The following ASCC3 variants were observed in gnomAD, a reference collection of about 807,000 sequenced individuals.
The protein encoded by ASCC3 is activating signal cointegrator 1 complex subunit 3, also known as ASC-1 complex subunit P200.
Under a neutral mutation model 256.3 loss-of-function variants are expected in ASCC3, and 158 were observed. The ratio of observed to expected loss-of-function variants is 0.62; its 90% confidence interval spans 0.54 to 0.70. ASCC3 has a LOEUF of 0.70. ASCC3 is among the 30% of genes least tolerant of loss of function. The pLI, the probability that ASCC3 is intolerant of heterozygous loss-of-function variation, is 0.00. For synonymous variants in ASCC3, 948 were observed against 883.4 expected (o/e 1.07, Z -1.30); for missense variants, 2,259 against 2,626.0 (o/e 0.86, Z 3.05).
Position 100,647,161 on chromosome 6 carries a change from T to A in ASCC3, c.3478+65A>T, listed in dbSNP as rs1304391014. ...TGTGGAAATTCACAATACCTTCTTT[T>A]ACACCCAGCAACATATTTTATTTGC... is the stretch of plus-strand genomic sequence containing the variant. On this transcript the variant is annotated intron_variant, in intron 21 of 41. Coordinates refer to ENST00000369162, the MANE Select transcript of ASCC3 (RefSeq NM_006828.4). 2.2e-6 allele frequency: 3 copies of A among 1,376,462 alleles called. No individual in the cohort carries two copies. In the East Asian group the frequency reaches 6.9e-5, roughly 32 times the overall value. The allele number at this position is 1,376,462 out of a possible 1,614,324, so 85.3% of individuals were successfully genotyped here.
chr6:100,605,005 T>C (rs560241064), intron 33 of ASCC3, among the ~76,000 whole-genome samples: 1 of 152,256 alleles, frequency 6.6e-6, no homozygotes, highest in South Asian at 2.1e-4. Flanking sequence ...TAGTGGTTAC[T>C]GGGTCCCAAA....
At chr6:100,588,846 T>A (rs1771841335) in intron 36 of ASCC3, among the ~76,000 whole-genome samples, 1 of 152,120 alleles carries the variant, frequency 6.6e-6, no homozygotes, top group African/African-American at 2.4e-5. Flanking sequence ...ATAGAGTCAA[T>A]GAATTTATAA....
At chr6:100,745,815 G>C (rs888758752) in intron 10 of ASCC3, among the ~76,000 whole-genome samples, 1 of 152,088 alleles carries the variant, frequency 6.6e-6, no homozygotes, top group Non-Finnish European at 1.5e-5. Context: ...CTATTTCCTA[G>C]TTTAATAAAT....
chr6:100,727,411 T>TC (rs1467902318), intron 10 of ASCC3, among the ~76,000 whole-genome samples: 1 of 152,024 alleles, frequency 6.6e-6, no homozygotes, highest in East Asian at 1.9e-4. Context: ...TCATAAAATC[T>TC]CTCGTGTAAT....
rs781143008 is a variant in ASCC3 at position 100,848,620 on chromosome 6, T to G, written c.329A>C (p.Lys110Thr). The G allele has an allele frequency of 6.2e-7, 1 of 1,614,148 alleles. No individual in the cohort carries two copies. Among genetic ancestry groups the G allele is most frequent in the Non-Finnish European group, 8.5e-7 (1 of 1,180,030 alleles). Residue 110 changes from lysine to threonine, a missense_variant, in exon 4 of 42, where the codon AAG becomes ACG. This residue lies in a region of ASCC3 where 420 missense variants were observed against 419.3 expected (regional missense o/e 1.00). Coordinates refer to ENST00000369162, the MANE Select transcript of ASCC3 (RefSeq NM_006828.4). ...TFHLKDSVGH[K>T]ETKAIKQMFG... ...CATCTGTTTGATAGCCTTTGTTTCC[T>G]TGTGACCAACAGAGTCCTTCAAGTG...
In ASCC3 at chr6:100,850,014, C is replaced by T. The variant is rs953660215; in HGVS notation, c.242-1307G>A. Among the ~76,000 whole-genome samples the T allele has an allele frequency of 5.5e-5, 8 of 145,198 alleles. No homozygotes were observed. In the South Asian group the frequency reaches 1.1e-3, roughly 20 times the overall value. On this transcript the variant is annotated intron_variant, in intron 3 of 41. Coordinates refer to ENST00000369162, the MANE Select transcript of ASCC3 (RefSeq NM_006828.4). ...ACTCGAGAGGCTGAGGCAGGAGGAC[C>T]GCTTGAACCTAGGAGGCGGAGGTTG...
chr6:100,749,485 G>C (rs1349154260), intron 10 of ASCC3, among the ~76,000 whole-genome samples: 2 of 151,554 alleles, frequency 1.3e-5, no homozygotes, highest in Non-Finnish European at 2.9e-5. Flanking sequence ...AAAATTGTGG[G>C]GTATGGAAAT....
chr6:100,704,592 TTAATC>T (rs1363883312), intron 13 of ASCC3, among the ~76,000 whole-genome samples: 22 of 152,022 alleles, frequency 1.4e-4, no homozygotes, highest in African/African-American at 5.3e-4. Flanking sequence ...TAGTAATAAA[TTAATC>T]TATAATTATT....
chr6:100,592,194 A>G (rs147475349), intron 34 of ASCC3, among the ~76,000 whole-genome samples: 24 of 151,698 alleles, frequency 1.6e-4, no homozygotes, highest in Non-Finnish European at 2.2e-4. Flanking sequence ...AATAAATTAT[A>G]TGATGACACC....
At chr6:100,875,734 C>A (rs543471868) in intron 1 of ASCC3, among the ~76,000 whole-genome samples, 81 of 152,206 alleles carry the variant, frequency 5.3e-4, no homozygotes, top group Admixed American at 1.1e-3. Flanking sequence ...TTTCAAATGA[C>A]ATGATACAGT....
At chr6:100,849,963 G>A (rs547819166) in intron 3 of ASCC3, among the ~76,000 whole-genome samples, 3 of 152,000 alleles carry the variant, frequency 2.0e-5, no homozygotes, top group South Asian at 4.2e-4. Flanking sequence ...AGCTGGGTGT[G>A]GTGCCACACA....
intron 35 of ASCC3, 43 bp from the exon 36 acceptor site, chr6:100,589,811 A>C: frequency 6.2e-7 from 1 of 1,610,804 alleles, no homozygotes; most frequent in Non-Finnish European, 8.5e-7. Context: ...ATGAAAGTAC[A>C]TATCTTTATA....
chr6:100,509,474 T>A lies in ASCC3; in HGVS notation c.6521A>T (p.Asp2174Val). ...CGCTTGTGTAACGTTGAGATAGATGTCATACTGCTGGTCCAGGCCAAGGTA... is the reference window on the plus strand; with the variant it reads ...CGCTTGTGTAACGTTGAGATAGATGACATACTGCTGGTCCAGGCCAAGGTA... Reference protein sequence around the residue: ...DCYLGLDQQYDIYLNVTQASL... With the variant: ...DCYLGLDQQYVIYLNVTQASL... Residue 2174 changes from aspartate (D) to valine (V), a missense_variant, in exon 42 of 42, where the codon GAC (aspartate) becomes GTC (valine). Around this residue, in one of 2 missense-constraint regions of ASCC3, gnomAD observed 1,839 missense variants for 2,206.7 expected, o/e 0.83. Coordinates refer to ENST00000369162, the MANE Select transcript of ASCC3 (RefSeq NM_006828.4). The A allele has an allele frequency of 4.3e-6, 7 of 1,614,078 alleles. No individual in the cohort carries two copies. Among genetic ancestry groups the A allele is most frequent in the Non-Finnish European group, 5.9e-6 (7 of 1,179,900 alleles).
chr6:100,602,026 G>C, intron 33 of ASCC3, 91 bp from the exon 34 acceptor site: 1 of 1,427,766 alleles, frequency 7.0e-7, no homozygotes, highest in Non-Finnish European at 9.6e-7. Flanking sequence ...CAGATTTTAT[G>C]TTCTAAGATA....
chr6:100,766,783 A>G, intron 9 of ASCC3, 78 bp from the exon 10 acceptor site: 1 of 1,537,888 alleles, frequency 6.5e-7, no homozygotes, highest in Non-Finnish European at 9.0e-7. Context: ...AATACAAGTC[A>G]CAATTTATTG....
intron 4 of ASCC3, among the ~76,000 whole-genome samples, chr6:100,823,436 G>T (rs1209311038): frequency 6.6e-6 from 1 of 152,138 alleles, no homozygotes; most frequent in African/African-American, 2.4e-5. Flanking sequence ...ATGAACGAAT[G>T]CAGCTCTCCA....
At chr6:100,509,754 G>A (rs1773663742) in intron 41 of ASCC3, among the ~76,000 whole-genome samples, 178 bp downstream of exon 41, 2 of 151,912 alleles carry the variant, frequency 1.3e-5, no homozygotes, top group Admixed American at 6.6e-5. Context: ...CGGGCGCAGT[G>A]GCGGGCGCCT....
rs553439116 is a variant in ASCC3 at position 100,523,648 on chromosome 6, G to A, written c.5776-5506C>T. 6.6e-5 allele frequency among the ~76,000 whole-genome samples: 10 copies of A among 152,198 alleles called. No individual in the cohort carries two copies. In the South Asian group the frequency reaches 1.7e-3, roughly 25 times the overall value. On this transcript the variant is annotated intron_variant, in intron 37 of 41. Coordinates refer to ENST00000369162, the MANE Select transcript of ASCC3 (RefSeq NM_006828.4). ...ACCACATGTCCTCAACATCTATTTC[G>A]AATCAATTTTAAGAATTTCCTACGC...
At chr6:100,677,260 G>A (rs897177893) in intron 14 of ASCC3, among the ~76,000 whole-genome samples, 3 of 151,714 alleles carry the variant, frequency 2.0e-5, no homozygotes, top group Admixed American at 6.6e-5. Flanking sequence ...CACTGTGGAG[G>A]GTTTCACTCT....
Sources: gnomAD v4.1 joint callset for allele counts (sites outside exome capture counted in the v4.1 genomes callset) on GRCh38, gnomAD v4.1.1 for gene constraint, gnomAD v4.1.1 regional missense constraint, MANE v1.5 for transcripts, NCBI Gene and HGNC (gene_info 2026-07-23, HGNC 2026-07-21) for gene names.